Variants in MYT1L observed in about 807,000 individuals in gnomAD.
The protein encoded by MYT1L is myelin transcription factor 1 like, also known as myelin transcription factor 1-like protein.
In MYT1L, 12 loss-of-function variants were observed where a neutral mutation model predicts 126.7. The ratio of observed to expected loss-of-function variants is 0.09; its 90% CI spans 0.06 to 0.15. MYT1L has a LOEUF of 0.15. Among genes scored for constraint, MYT1L ranks in the 10% least tolerant of loss-of-function variants. MYT1L has a pLI of 1.00. For synonymous variants in MYT1L, 541 were observed against 604.2 expected (o/e 0.90, Z 1.53); for missense variants, 979 against 1,585.2 (o/e 0.62, Z 6.49).
chr2:2,223,276 A>G (rs1207142267), intron 2 of MYT1L, among the ~76,000 whole-genome samples: 1 of 152,262 alleles, frequency 6.6e-6, no homozygotes, highest in African/African-American at 2.4e-5. Context: ...ATATAAAAAA[A>G]TTGAACAAGA....
chr2:2,212,548 T>G (rs1582415), intron 2 of MYT1L, among the ~76,000 whole-genome samples: 20,377 of 152,230 alleles, frequency 0.13, 1,388 homozygotes, highest in Non-Finnish European at 0.15. Flanking sequence ...TTCCCATAAA[T>G]GCTCTGCTGT....
chr2:1,899,579 C>A (rs780200165), intron 14 of MYT1L, among the ~76,000 whole-genome samples: 18 of 152,186 alleles, frequency 1.2e-4, no homozygotes, highest in Non-Finnish European at 2.4e-4. Context: ...CCTCAGCAGC[C>A]CCCGCAGCTT....
chr2:2,101,194 A>G (rs1037281225), intron 3 of MYT1L, among the ~76,000 whole-genome samples: 13 of 151,886 alleles, frequency 8.6e-5, no homozygotes, highest in African/African-American at 3.2e-4. Flanking sequence ...ATTTTACATC[A>G]TATTTTTTTT....
At chr2:1,815,472 C>T (rs560336332) in intron 21 of MYT1L, among the ~76,000 whole-genome samples, 14 of 152,358 alleles carry the variant, frequency 9.2e-5, no homozygotes, top group African/African-American at 3.4e-4. Context: ...CCACCCTCTC[C>T]ACTCAGAATC....
chr2:1,936,893 T>C (rs1243688221), intron 9 of MYT1L, among the ~76,000 whole-genome samples: 1 of 152,152 alleles, frequency 6.6e-6, no homozygotes, highest in African/African-American at 2.4e-5. Flanking sequence ...CTCTAGCAAC[T>C]TGGGGCTAGC....
At chr2:1,902,202 C>T (rs1010429753) in intron 14 of MYT1L, among the ~76,000 whole-genome samples, 6 of 152,224 alleles carry the variant, frequency 3.9e-5, no homozygotes, top group Non-Finnish European at 5.9e-5. Context: ...TACTTACCAA[C>T]TAGCTTTGTA....
chr2:2,156,993 A>C (rs2086839979), intron 3 of MYT1L, among the ~76,000 whole-genome samples: 1 of 152,204 alleles, frequency 6.6e-6, no homozygotes, highest in African/African-American at 2.4e-5. Flanking sequence ...TCAAGATTTC[A>C]TTCAAGCCCG....
rs1573664395 is a variant in MYT1L at position 1,929,497 on chromosome 2, C to T, written c.506-6234G>A. Among the ~76,000 whole-genome samples the T allele has an allele frequency of 2.0e-5, 3 of 152,322 alleles. No individual in the cohort carries two copies. The Middle Eastern group carries it at 0.01, about 518-fold the overall frequency. On this transcript the variant is annotated intron_variant, in intron 9 of 24. Transcript: ENST00000647738. The surrounding 1 kb of genome is among the most constrained non-coding windows in gnomAD (Gnocchi z 4.7). Reference sequence around the variant, plus strand: ...TGCCAGGCCGCACTGTCCCTGGCTCCGCTCTAGCCATCACCGTCACGCTTC... The same window carrying T: ...TGCCAGGCCGCACTGTCCCTGGCTCTGCTCTAGCCATCACCGTCACGCTTC...
At chr2:2,220,565 G>A (rs2093829584) in intron 2 of MYT1L, among the ~76,000 whole-genome samples, 1 of 152,112 alleles carries the variant, frequency 6.6e-6, no homozygotes, top group South Asian at 2.1e-4. Context: ...AGGATTGGGA[G>A]GGCCTGGAAG....
chr2:1,860,594 A>G (rs574809498), intron 18 of MYT1L, among the ~76,000 whole-genome samples: 13 of 152,334 alleles, frequency 8.5e-5, no homozygotes, highest in African/African-American at 3.1e-4. Flanking sequence ...AACATGTTTT[A>G]AAATACATTT....
chr2:1,897,531 C>T (rs1352832708), intron 14 of MYT1L, among the ~76,000 whole-genome samples: 3 of 151,894 alleles, frequency 2.0e-5, no homozygotes, highest in African/African-American at 7.3e-5. Flanking sequence ...GGCATGATCT[C>T]AACTCATTGC....
At chr2:2,160,633 G>A (rs537364060) in intron 3 of MYT1L, among the ~76,000 whole-genome samples, 7 of 152,178 alleles carry the variant, frequency 4.6e-5, no homozygotes, top group South Asian at 2.1e-4. Flanking sequence ...GACATTGCAC[G>A]CCATCTTCTC....
chr2:2,313,237 A>T (rs889532125), intron 1 of MYT1L, among the ~76,000 whole-genome samples: 3 of 151,710 alleles, frequency 2.0e-5, no homozygotes, highest in Non-Finnish European at 2.9e-5. Context: ...AATTCAGTAC[A>T]TTGCTTTCTG....
At chr2:2,311,731 T>G (rs557136342) in intron 1 of MYT1L, among the ~76,000 whole-genome samples, 1 of 152,146 alleles carries the variant, frequency 6.6e-6, no homozygotes, top group South Asian at 2.1e-4. Flanking sequence ...TAAGGGAGCA[T>G]GCAAGGCCTC....
intron 3 of MYT1L, among the ~76,000 whole-genome samples, chr2:2,060,150 G>A (rs2070201971): frequency 6.6e-6 from 1 of 152,196 alleles, no homozygotes; most frequent in African/African-American, 2.4e-5. Flanking sequence ...TGGCAGCAAG[G>A]AAGGACTGCA....
At chr2:1,861,897 A>AGCCTGTGTAATCCTGGATCTGCCTG (rs2044697129) in intron 18 of MYT1L, among the ~76,000 whole-genome samples, 14 of 4,364 alleles carry the variant, frequency 3.2e-3, no homozygotes, top group Non-Finnish European at 4.9e-3. Context: ...GGATCCTCCT[A>AGCCTGTGTAATCCTGGATCTGCCTG]CAGCCTGTGT....
At chr2:1,840,068 G>A (rs2041459424) in intron 20 of MYT1L, among the ~76,000 whole-genome samples, 1 of 152,226 alleles carries the variant, frequency 6.6e-6, no homozygotes, top group Admixed American at 6.5e-5. Context: ...TGCCTGCATT[G>A]TTTTTATTAA....
intron 9 of MYT1L, among the ~76,000 whole-genome samples, chr2:1,937,978 C>A (rs2149232249): frequency 6.6e-6 from 1 of 152,298 alleles, no homozygotes; most frequent in Admixed American, 6.5e-5. Context: ...GATCAAGTGG[C>A]AAGGCAGCCC....
At chr2:2,134,796 A>G (rs566525813) in intron 3 of MYT1L, among the ~76,000 whole-genome samples, 1 of 152,274 alleles carries the variant, frequency 6.6e-6, no homozygotes, top group African/African-American at 2.4e-5. Context: ...AGGAACTAAG[A>G]TGTATCTCTT....
Sources: gnomAD v4.1 joint callset for allele counts (sites outside exome capture counted in the v4.1 genomes callset) on GRCh38, gnomAD v4.1.1 for gene constraint, Gnocchi (gnomAD v3.1) non-coding constraint, MANE v1.5 for transcripts, NCBI Gene and HGNC (gene_info 2026-07-23, HGNC 2026-07-21) for gene names.